SH3RF3: variants seen among roughly 807,000 people sequenced by gnomAD.
The protein encoded by SH3RF3 is E3 ubiquitin-protein ligase SH3RF3.
In SH3RF3, 29 loss-of-function variants were observed where a neutral mutation model predicts 66.3. That is an observed-to-expected ratio of 0.44 (90% CI 0.33 to 0.60). The LOEUF is 0.60. Among genes scored for constraint, SH3RF3 ranks in the 20% least tolerant of loss-of-function variants. The pLI is 0.04. For synonymous variants in SH3RF3, 583 were observed against 532.0 expected (o/e 1.10, Z -1.32); for missense variants, 1,194 against 1,190.9 (o/e 1.00, Z -0.04).
intron 2 of SH3RF3, among the ~76,000 whole-genome samples, chr2:109,362,655 A>G (rs1338225043): frequency 1.3e-5 from 2 of 152,096 alleles, no homozygotes; most frequent in East Asian, 3.9e-4. Flanking sequence ...GTCTCTGTCC[A>G]TTTCTGATTC....
At chr2:109,474,961 TG>T (rs779307477) in intron 8 of SH3RF3, among the ~76,000 whole-genome samples, 175 of 152,132 alleles carry the variant, frequency 1.2e-3, no homozygotes, top group East Asian at 4.7e-3. Flanking sequence ...TTGTTTTGTT[TG>T]GGTTTTTTTT....
At chr2:109,500,119 G>T (rs1679352762) in intron 9 of SH3RF3, among the ~76,000 whole-genome samples, 1 of 152,186 alleles carries the variant, frequency 6.6e-6, no homozygotes, top group Admixed American at 6.5e-5. Flanking sequence ...GATTCTTTTG[G>T]CTGCCGTGAG....
chr2:109,408,313 G>T (rs560605696), intron 4 of SH3RF3, among the ~76,000 whole-genome samples: 1 of 152,274 alleles, frequency 6.6e-6, no homozygotes, highest in African/African-American at 2.4e-5. Context: ...TGTCCTCAGG[G>T]CTGTAATGTG....
At chr2:109,487,007 C>G (rs1235490969) in intron 8 of SH3RF3, among the ~76,000 whole-genome samples, 1 of 152,138 alleles carries the variant, frequency 6.6e-6, no homozygotes, top group Non-Finnish European at 1.5e-5. Context: ...AAGTGATCCC[C>G]CCAACAGAGA....
At chr2:109,146,532 G>A (rs907546459) in intron 1 of SH3RF3, among the ~76,000 whole-genome samples, 1 of 152,034 alleles carries the variant, frequency 6.6e-6, no homozygotes, top group Non-Finnish European at 1.5e-5. Context: ...GCACTTTCTT[G>A]TTTCTGTTTA....
At chr2:109,344,294 G>A (rs1300539164) in intron 1 of SH3RF3, among the ~76,000 whole-genome samples, 1 of 152,230 alleles carries the variant, frequency 6.6e-6, no homozygotes, top group African/African-American at 2.4e-5. Context: ...GGTGCTGATG[G>A]AATTAGGAGG....
intron 4 of SH3RF3, among the ~76,000 whole-genome samples, chr2:109,411,503 A>G (rs1254244492): frequency 1.3e-5 from 2 of 152,138 alleles, no homozygotes; most frequent in Admixed American, 1.3e-4. Context: ...CCACCAGCAA[A>G]TTGCTGCTCG....
chr2:109,276,189 AC>A (rs1172281811), intron 1 of SH3RF3, among the ~76,000 whole-genome samples: 1 of 152,160 alleles, frequency 6.6e-6, no homozygotes, highest in Admixed American at 6.5e-5. Flanking sequence ...CTGAGAAAAC[AC>A]CAGCGTTCTC....
At chr2:109,185,608 A>C (rs1310934626) in intron 1 of SH3RF3, among the ~76,000 whole-genome samples, 1 of 152,126 alleles carries the variant, frequency 6.6e-6, no homozygotes, top group Non-Finnish European at 1.5e-5. Flanking sequence ...TGGGGTTGGC[A>C]GAGAAGCCGG....
rs115513685 is a variant in SH3RF3 at position 109,384,188 on chromosome 2, G to T, written c.945+12507G>T. On this transcript the variant is annotated intron_variant, in intron 3 of 9. Coordinates refer to ENST00000309415, the MANE Select transcript of SH3RF3 (RefSeq NM_001099289.3). ...TCCCACGTTCATCCAGTCCTTAAGC[G>T]CCGGCTGCGGGCCAGGCCCCGGGGA... 4.3e-3 allele frequency among the ~76,000 whole-genome samples: 657 copies of T among 152,280 alleles called. 6 individuals are homozygous for T. The highest frequency in any genetic ancestry group is 0.015 in the African/African-American group (632 of 41,548).
chr2:109,228,502 TGG>T (rs1486007583), intron 1 of SH3RF3, among the ~76,000 whole-genome samples: 1 of 152,190 alleles, frequency 6.6e-6, no homozygotes, highest in Non-Finnish European at 1.5e-5. Context: ...AGATGCCAAC[TGG>T]GTATTCAGTT....
chr2:109,195,936 C>A (rs1678489004), intron 1 of SH3RF3, among the ~76,000 whole-genome samples: 1 of 152,208 alleles, frequency 6.6e-6, no homozygotes. Context: ...AGCACCTCGC[C>A]CTGCAGCGAG....
intron 3 of SH3RF3, among the ~76,000 whole-genome samples, chr2:109,393,374 G>A (rs769895232): frequency 5.3e-5 from 8 of 152,198 alleles, no homozygotes; most frequent in African/African-American, 1.4e-4. Flanking sequence ...CAGCATCGTC[G>A]TCTCTTGGGA....
chr2:109,462,922 C>T (rs73953122), intron 8 of SH3RF3, among the ~76,000 whole-genome samples: 6,870 of 152,260 alleles, frequency 0.045, 457 homozygotes, highest in African/African-American at 0.14. Flanking sequence ...ATCCAGTGTC[C>T]AGCTGTCCCT....
At chr2:109,366,453 C>G (rs1683153903) in intron 2 of SH3RF3, among the ~76,000 whole-genome samples, 1 of 151,632 alleles carries the variant, frequency 6.6e-6, no homozygotes. Context: ...CCATTTATAT[C>G]TTTCTAAAAG....
intron 1 of SH3RF3, among the ~76,000 whole-genome samples, chr2:109,139,553 GT>G (rs1676890058): frequency 6.6e-6 from 1 of 152,150 alleles, no homozygotes; most frequent in Non-Finnish European, 1.5e-5. Context: ...AGAAATCTGA[GT>G]TTTAAAAATT....
At chr2:109,460,692 A>G (rs926377416) in intron 8 of SH3RF3, among the ~76,000 whole-genome samples, 4 of 151,890 alleles carry the variant, frequency 2.6e-5, no homozygotes, top group African/African-American at 9.7e-5. Context: ...AGGTCTTTTC[A>G]CATGTGCTTT....
chr2:109,351,672 C>T (rs1156774292), intron 2 of SH3RF3, among the ~76,000 whole-genome samples: 1 of 152,222 alleles, frequency 6.6e-6, no homozygotes, highest in Non-Finnish European at 1.5e-5. Flanking sequence ...TCAGAGAGTG[C>T]CCGCTGATCA....
At chr2:109,422,427 A>G (rs1459973975) in intron 5 of SH3RF3, among the ~76,000 whole-genome samples, 3 of 152,144 alleles carry the variant, frequency 2.0e-5, no homozygotes, top group African/African-American at 7.2e-5. Context: ...CAGTGTGTCG[A>G]TGGCTGGATG....
Sources: gnomAD v4.1 joint callset for allele counts (sites outside exome capture counted in the v4.1 genomes callset) on GRCh38, gnomAD v4.1.1 for gene constraint, MANE v1.5 for transcripts, NCBI Gene and HGNC (gene_info 2026-07-23, HGNC 2026-07-21) for gene names.